The following PPM1G variants were observed in gnomAD, a reference collection of about 807,000 sequenced individuals.
The protein encoded by PPM1G is protein phosphatase 1G.
In PPM1G, 12 loss-of-function variants were observed where a neutral mutation model predicts 59.4. The observed-to-expected ratio is 0.20, with a 90% confidence interval of 0.13 to 0.33. The LOEUF (loss-of-function observed/expected upper bound fraction) is 0.33, where lower values mean the gene tolerates loss of function less well. PPM1G is among the 10% of genes least tolerant of loss of function. The probability of loss-of-function intolerance (pLI) is 1.00; values close to 1 mark genes in which losing one functional copy is unlikely to be tolerated. For missense variants in PPM1G, 392 were observed against 681.3 expected (o/e 0.58, Z 4.73); for synonymous variants, 245 against 251.9 (o/e 0.97, Z 0.26).
At position 27,383,019 on chromosome 2, in the gene PPM1G, A is replaced by C. The variant is rs1023962948; in HGVS notation, c.1201+347T>G. The stretch of plus-strand genomic sequence containing the variant: ...TTTTGTATTTTTTTTTTTTTTTAGT[A>C]GAGATGGGGTTTCACCATGTTGGCC... On this transcript the variant is annotated intron_variant, in intron 7 of 9. Coordinates refer to ENST00000344034, the MANE Select transcript of PPM1G (RefSeq NM_177983.3). The surrounding 1 kb of genome is among the most constrained non-coding windows in gnomAD (Gnocchi z 5.0). Among the ~76,000 whole-genome samples the C allele has an allele frequency of 6.7e-6, 1 of 148,630 alleles. No individual in the cohort carries two copies.
chr2:27,399,041 GCTGAAGCAGGATAGCTTGAA>G (rs1684120371), intron 1 of PPM1G, among the ~76,000 whole-genome samples: 1 of 151,952 alleles, frequency 6.6e-6, no homozygotes, highest in Non-Finnish European at 1.5e-5. Context: ...TACTCGGGAG[GCTGAAGCAGGATAGCTTGAA>G]CTCAGGAGGC....
intron 1 of PPM1G, among the ~76,000 whole-genome samples, chr2:27,390,034 C>CTTT (rs34597229): frequency 0.011 from 1,634 of 149,000 alleles, 17 homozygotes; most frequent in Middle Eastern, 0.014. Flanking sequence ...ATCTTGTTTT[C>CTTT]TTTTTTTTTT....
chr2:27,406,551 G>A (rs1301875399), intron 1 of PPM1G, among the ~76,000 whole-genome samples: 3 of 152,192 alleles, frequency 2.0e-5, no homozygotes, highest in East Asian at 1.9e-4. Context: ...TTATCTCTCA[G>A]GAGGAAGATT....
chr2:27,386,755 A>G, intron 2 of PPM1G: 1 of 192,222 alleles, frequency 5.2e-6, no homozygotes, highest in East Asian at 1.3e-4. Context: ...GGGTTTCACC[A>G]TATTGGTCAG....
chr2:27,383,659 T>C lies in PPM1G; in HGVS notation c.967-59A>G. ...TCTGAACATGCGTTCCTCACTGATG[T>C]GCTCCTGATCGTTCACCTATGCTTG... On this transcript the variant is annotated intron_variant, in intron 6 of 9. Transcript: ENST00000344034. This position sits in a 1 kb window ranked among gnomAD's most constrained non-coding sequence, Gnocchi z 5.0. The C allele has an allele frequency of 6.8e-7, 1 of 1,479,992 alleles. No homozygotes were observed. Among genetic ancestry groups the C allele is most frequent in the Admixed American group, 2.0e-5 (1 of 49,990 alleles). The allele number at this position is 1,479,992 out of a possible 1,614,324, so 91.7% of individuals were successfully genotyped here.
chr2:27,383,680 G>A lies in PPM1G; in HGVS notation c.967-80C>T. On this transcript the variant is annotated intron_variant, in intron 6 of 9. Coordinates refer to ENST00000344034, the MANE Select transcript of PPM1G (RefSeq NM_177983.3). This position sits in a 1 kb window ranked among gnomAD's most constrained non-coding sequence, Gnocchi z 5.0. ...GATGTGCTCCTGATCGTTCACCTAT[G>A]CTTGCTTTCACTGGGACCCCCAAAA... 4 of 1,390,726 alleles carry A rather than the reference G, an allele frequency of 2.9e-6. No individual in the cohort carries two copies. Among genetic ancestry groups the A allele is most frequent in the Non-Finnish European group, 3.9e-6 (4 of 1,020,232 alleles). The allele number at this position is 1,390,726 out of a possible 1,614,324, so 86.1% of individuals were successfully genotyped here.
intron 1 of PPM1G, among the ~76,000 whole-genome samples, chr2:27,394,724 A>G (rs1395665157): frequency 1.4e-5 from 2 of 146,114 alleles, no homozygotes; most frequent in African/African-American, 5.2e-5. Flanking sequence ...GCCTGGTGAC[A>G]GAGTGAGACT....
At chr2:27,400,195 G>A (rs558528443) in intron 1 of PPM1G, among the ~76,000 whole-genome samples, 5 of 151,054 alleles carry the variant, frequency 3.3e-5, no homozygotes, top group East Asian at 2.0e-4. Flanking sequence ...TCAGGAGTTC[G>A]AGACCGCCCT....
chr2:27,400,275 A>G (rs894921209), intron 1 of PPM1G, among the ~76,000 whole-genome samples: 1 of 151,884 alleles, frequency 6.6e-6, no homozygotes, highest in Non-Finnish European at 1.5e-5. Flanking sequence ...GATGGTGGGT[A>G]CCTGTAGTCC....
Position 27,393,352 on chromosome 2 carries a change from T to G in PPM1G, c.121-6194A>C. Reference sequence around the variant, plus strand: ...TGGTAGTTCTGGCGCACCTGCGAGGTAGACGCGGTCGTCATGCCGGCGACT... The same window carrying G: ...TGGTAGTTCTGGCGCACCTGCGAGGGAGACGCGGTCGTCATGCCGGCGACT... On this transcript the variant is annotated intron_variant, in intron 1 of 9. Transcript: ENST00000344034. The G allele has an allele frequency of 1.9e-6, 3 of 1,594,034 alleles. No homozygotes were observed. The South Asian group carries it at 3.3e-5, about 18-fold the overall frequency.
intron 1 of PPM1G, chr2:27,393,082 G>A (rs572577737): frequency 5.6e-6 from 7 of 1,255,868 alleles, no homozygotes; most frequent in South Asian, 3.6e-5. Context: ...CTCTCCCATC[G>A]CATTCTCCCC....
chr2:27,400,643 A>C (rs1291618480), intron 1 of PPM1G, among the ~76,000 whole-genome samples: 1 of 152,198 alleles, frequency 6.6e-6, no homozygotes, highest in Non-Finnish European at 1.5e-5. Context: ...GGAGATAAGA[A>C]AAAGAGTTAA....
chr2:27,407,992 A>G (rs1256380338), intron 1 of PPM1G, among the ~76,000 whole-genome samples: 2 of 151,982 alleles, frequency 1.3e-5, no homozygotes, highest in African/African-American at 2.4e-5. Context: ...GGTTGCGGTG[A>G]GCCGAGATCG....
In PPM1G at chr2:27,385,846, T is replaced by G. The variant is rs765520326; in HGVS notation, c.310A>C (p.Lys104Gln). 1.7e-5 allele frequency: 27 copies of G among 1,613,886 alleles called. No homozygotes were observed. Among genetic ancestry groups the G allele is most frequent in the Admixed American group, 3.3e-5 (2 of 59,954 alleles). Reference protein sequence around the residue: ...LEDAFLAIDAKLTTEEVIKEL... With the variant: ...LEDAFLAIDAQLTTEEVIKEL... ...TTAATGACTTCTTCAGTGGTCAATT[T>G]GGCGTCAATAGCCAAGAAGGCATCT... Residue 104 changes from lysine (K) to glutamine (Q), a missense_variant, in exon 4 of 10, where the codon AAA (lysine) becomes CAA (glutamine). Transcript: ENST00000344034. This position sits in a 1 kb window ranked among gnomAD's most constrained non-coding sequence, Gnocchi z 4.1.
In PPM1G at chr2:27,382,294, G is replaced by C; in HGVS notation, c.1332-66C>G. 1 of 1,574,090 alleles carries C rather than the reference G, an allele frequency of 6.4e-7. No individual in the cohort carries two copies. Among genetic ancestry groups the C allele is most frequent in the African/African-American group, 1.3e-5 (1 of 74,186 alleles). On this transcript the variant is annotated intron_variant, in intron 8 of 9. Coordinates refer to ENST00000344034, the MANE Select transcript of PPM1G (RefSeq NM_177983.3). The surrounding 1 kb of genome is among the most constrained non-coding windows in gnomAD (Gnocchi z 4.2). ...AAGGCAGCGTAGAGGAGTATGGACA[G>C]AGGTGGTGGCCCAGGCCAGTGTAAA...
At chr2:27,386,121 G>A in intron 3 of PPM1G, 73 bp downstream of exon 3, 1 of 1,427,128 alleles carries the variant, frequency 7.0e-7, no homozygotes. Context: ...CAAAAAGAAA[G>A]GAAAAGCCCA....
At chr2:27,404,926 A>T (rs1295552365) in intron 1 of PPM1G, among the ~76,000 whole-genome samples, 1 of 145,514 alleles carries the variant, frequency 6.9e-6, no homozygotes, top group Non-Finnish European at 1.5e-5. Context: ...CCTGGGCAAC[A>T]GTGCAAGACT....
In PPM1G at chr2:27,384,023, C is replaced by T. The variant is rs1248421759; in HGVS notation, c.895G>A (p.Glu299Lys). 6 of 1,601,750 alleles carry T rather than the reference C, an allele frequency of 3.7e-6. No individual in the cohort carries two copies. The highest frequency in any genetic ancestry group is 3.4e-5 in the South Asian group (3 of 89,206). Reference sequence around the variant, plus strand: ...TCTTCATCGTCCTCTTCAGCCTCCTCGGTGTCATCCTCATCTTCCTCATTC... The same window carrying T: ...TCTTCATCGTCCTCTTCAGCCTCCTTGGTGTCATCCTCATCTTCCTCATTC... Reference protein sequence around the residue: ...AENEEDEDDTEEAEEDDEEEE... With the variant: ...AENEEDEDDTKEAEEDDEEEE... The change falls in exon 6 of 10, where the codon GAG becomes AAG. Residue 299 changes from glutamate to lysine, a missense_variant. By Grantham distance (56) the Glu-to-Lys change is moderately conservative (BLOSUM62 1). Transcript: ENST00000344034. The surrounding 1 kb of genome is among the most constrained non-coding windows in gnomAD (Gnocchi z 4.8).
chr2:27,408,275 A>C (rs1663428400), intron 1 of PPM1G, among the ~76,000 whole-genome samples: 1 of 152,174 alleles, frequency 6.6e-6, no homozygotes, highest in Non-Finnish European at 1.5e-5. Flanking sequence ...CTGTTACCTG[A>C]AGCCCACCCG....
Sources: allele counts gnomAD v4.1 joint callset (sites outside exome capture counted in the v4.1 genomes callset), GRCh38; gene constraint gnomAD v4.1.1; non-coding constraint Gnocchi (gnomAD v3.1); transcripts MANE v1.5; gene names NCBI Gene and HGNC (gene_info 2026-07-23, HGNC 2026-07-21).